The following COL5A1 variants were observed in gnomAD, a reference collection of about 807,000 sequenced individuals.
COL5A1 encodes collagen alpha-1(V) chain.
In COL5A1, 16 loss-of-function variants were observed where a neutral mutation model predicts 263.7. The observed-to-expected ratio is 0.06, with a 90% CI of 0.04 to 0.09. The LOEUF is 0.09. Ranked by LOEUF, COL5A1 falls within the 10% of genes least tolerant of loss-of-function variation. The probability of loss-of-function intolerance (pLI) is 1.00; values close to 1 mark genes in which losing one functional copy is unlikely to be tolerated. For synonymous variants in COL5A1, 1,012 were observed against 1,004.5 expected (o/e 1.01, Z -0.14); for missense variants, 2,036 against 2,540.5 (o/e 0.80, Z 4.27).
chr9:134,798,363 T>C, intron 36 of COL5A1, 45 bp from the exon 37 acceptor site: 1 of 1,595,420 alleles, frequency 6.3e-7, no homozygotes, highest in African/African-American at 1.3e-5. Flanking sequence ...AGGTGGTTGC[T>C]TCTCAGACAC....
rs767294965 is a variant in COL5A1 at position 134,732,064 on chromosome 9, C to G, written c.1333-7C>G. The G allele has an allele frequency of 2.5e-6, 4 of 1,613,798 alleles. No individual in the cohort carries two copies. The highest frequency in any genetic ancestry group is 2.2e-5 in the South Asian group (2 of 91,074). On this transcript the variant is annotated splice_polypyrimidine_tract_variant and splice_region_variant and intron_variant, in intron 8 of 65. Transcript: ENST00000371817. Reference sequence around the variant, plus strand: ...TTCTCTTTCCATCTGCCTTTTATCACCCCCAGATTGGAGGACCTCGGGGCG... The same window carrying G: ...TTCTCTTTCCATCTGCCTTTTATCAGCCCCAGATTGGAGGACCTCGGGGCG...
chr9:134,837,451 T>G (rs1392442088), intron 65 of COL5A1, among the ~76,000 whole-genome samples: 1 of 151,988 alleles, frequency 6.6e-6, no homozygotes, highest in African/African-American at 2.4e-5. Context: ...TTCTGCTGCT[T>G]TTAAGACCTT....
chr9:134,649,160 G>A (rs1322848439), intron 1 of COL5A1, among the ~76,000 whole-genome samples: 1 of 152,168 alleles, frequency 6.6e-6, no homozygotes, highest in Non-Finnish European at 1.5e-5. Context: ...GGCCACTGGA[G>A]AGAAGACCGT....
Position 134,779,134 on chromosome 9 carries a change from C to A in COL5A1, c.2386-968C>A, listed in dbSNP as rs79032640. ...CTGTGGCCCCGGCTTCAGCCTCAGC[C>A]TGGAATCCCGGTGCCGGGGGCAGTG... On this transcript the variant is annotated intron_variant, in intron 27 of 65. Coordinates refer to ENST00000371817, the MANE Select transcript of COL5A1 (RefSeq NM_000093.5). Among the ~76,000 whole-genome samples, 873 of 152,372 alleles carry A rather than the reference C, an allele frequency of 5.7e-3. 17 individuals carry two copies. The highest frequency in any genetic ancestry group is 0.044 in the Admixed American group (680 of 15,312).
intron 18 of COL5A1, among the ~76,000 whole-genome samples, chr9:134,760,493 C>T (rs1012984062): frequency 8.2e-6 from 1 of 121,280 alleles, no homozygotes; most frequent in Non-Finnish European, 1.7e-5. Context: ...GCACACACAC[C>T]ACACATGCAC....
intron 31 of COL5A1, among the ~76,000 whole-genome samples, chr9:134,786,258 G>A (rs534452363): frequency 2.0e-5 from 3 of 152,326 alleles, no homozygotes; most frequent in East Asian, 1.9e-4. Flanking sequence ...TAGGTGTCCC[G>A]GGACAGGTGG....
At position 134,754,011 on chromosome 9, in the gene COL5A1, C is replaced by G. The variant is rs757739285; in HGVS notation, c.1773+108C>G. 1 of 1,070,770 alleles carries G rather than the reference C, an allele frequency of 9.3e-7. No homozygotes were observed. The highest frequency in any genetic ancestry group is 2.4e-5 in the East Asian group (1 of 41,856). The allele number at this position is 1,070,770 out of a possible 1,614,324, so 66.3% of individuals were successfully genotyped here. A position where few individuals can be genotyped will look rare whatever the true frequency, so the allele number is the denominator to read the frequency against. On this transcript the variant is annotated intron_variant, in intron 15 of 65. Coordinates refer to ENST00000371817, the MANE Select transcript of COL5A1 (RefSeq NM_000093.5). This position sits in a 1 kb window ranked among gnomAD's most constrained non-coding sequence, Gnocchi z 4.3. The stretch of plus-strand genomic sequence containing the variant: ...ACTGCTGCATGTTTTCAAGGAAATT[C>G]GTGGGAATTGTCCTTGCTTTACGCA...
intron 14 of COL5A1, 79 bp from the exon 15 acceptor site, chr9:134,753,771 T>TCCCCCC: frequency 2.7e-6 from 1 of 369,204 alleles, no homozygotes; most frequent in South Asian, 2.2e-5. Context: ...CCCCTGCCCC[T>TCCCCCC]CCCCTGCCAC....
In COL5A1 at chr9:134,754,641, G is replaced by A. The variant is rs1005817421; in HGVS notation, c.1827+315G>A. 4.6e-5 allele frequency among the ~76,000 whole-genome samples: 7 copies of A among 152,318 alleles called. No homozygotes were observed. Among genetic ancestry groups the A allele is most frequent in the African/African-American group, 1.2e-4 (5 of 41,584 alleles). On this transcript the variant is annotated intron_variant, in intron 16 of 65. Transcript: ENST00000371817. The surrounding 1 kb of genome is among the most constrained non-coding windows in gnomAD (Gnocchi z 4.3). ...ATGTTAAGAAGACAAAACTATCAGC[G>A]GGCCTTATATATTTCGGGCAGCACT...
chr9:134,736,348 C>T lies in COL5A1; in HGVS notation c.1390-2126C>T, dbSNP rs1236622736. Reference sequence around the variant, plus strand: ...GGCGAGGGCCTTCTTGCTGTGTCCTCACATAGCGGAAGGCATCGCATGGTG... The same window carrying T: ...GGCGAGGGCCTTCTTGCTGTGTCCTTACATAGCGGAAGGCATCGCATGGTG... On this transcript the variant is annotated intron_variant, in intron 9 of 65. Coordinates refer to ENST00000371817, the MANE Select transcript of COL5A1 (RefSeq NM_000093.5). 3.9e-5 allele frequency among the ~76,000 whole-genome samples: 6 copies of T among 152,238 alleles called. No homozygotes were observed. In the East Asian group the frequency reaches 1.2e-3, roughly 29 times the overall value.
intron 4 of COL5A1, among the ~76,000 whole-genome samples, chr9:134,705,527 A>G (rs1588454612): frequency 6.6e-6 from 1 of 152,192 alleles, no homozygotes; most frequent in Non-Finnish European, 1.5e-5. Flanking sequence ...AGGTCCCCCC[A>G]GCCTTGGACT....
rs543586070 is a variant in COL5A1 at position 134,752,773 on chromosome 9, G to A, written c.1719+128G>A. 3 of 720,900 alleles carry A rather than the reference G, an allele frequency of 4.2e-6. No individual in the cohort carries two copies. In the African/African-American group the frequency reaches 5.2e-5, roughly 13 times the overall value. The allele number at this position is 720,900 out of a possible 1,614,324, so 44.7% of individuals were successfully genotyped here. On this transcript the variant is annotated intron_variant, in intron 14 of 65. Transcript: ENST00000371817. Reference sequence around the variant, plus strand: ...CAGAGCGGCCCTTGGTCCAGTGCCTGTTCCCAGGAGGGTGGCCAGGGGGAC... The same window carrying A: ...CAGAGCGGCCCTTGGTCCAGTGCCTATTCCCAGGAGGGTGGCCAGGGGGAC...
intron 42 of COL5A1, chr9:134,808,905 C>G: frequency 1.9e-6 from 1 of 526,728 alleles, no homozygotes; most frequent in South Asian, 2.0e-5. Flanking sequence ...GTCTCTACTG[C>G]TCACTAACTG....
intron 1 of COL5A1, among the ~76,000 whole-genome samples, chr9:134,679,469 A>G (rs1188808115): frequency 1.3e-4 from 1 of 7,592 alleles, no homozygotes; most frequent in African/African-American, 7.3e-4. Context: ...GGGGCTTCTT[A>G]GGGGGCACTG....
rs1410998117 is a variant in COL5A1, at chr9:134,654,996, A to G, written c.109+12700A>G. On this transcript the variant is annotated intron_variant, in intron 1 of 65. Transcript: ENST00000371817. ...GGTGTGTGTAGGGCTGGAGGTGTGT[A>G]GGGCTGGGGGTGTGTAGAGCTGGTG... Among the ~76,000 whole-genome samples the G allele has an allele frequency of 7.9e-5, 4 of 50,868 alleles. No individual in the cohort carries two copies. In the Admixed American group the frequency reaches 1.1e-3, roughly 14 times the overall value. 33.4% of individuals were successfully genotyped at this position (50,868 alleles called of 152,430 possible).
At chr9:134,823,791 CTG>C (rs1394983620) in intron 61 of COL5A1, among the ~76,000 whole-genome samples, 4 of 152,056 alleles carry the variant, frequency 2.6e-5, no homozygotes, top group South Asian at 2.1e-4. Context: ...GTGTGCATGT[CTG>C]TATGTGTACG....
In COL5A1 at chr9:134,812,617, C is replaced by A; in HGVS notation, c.3757C>A (p.Pro1253Thr). 1.2e-6 allele frequency: 2 copies of A among 1,603,214 alleles called. No homozygotes were observed. The highest frequency in any genetic ancestry group is 1.7e-6 in the Non-Finnish European group (2 of 1,174,252). ...TCCCTTTTCCTAGGGCCCCCCGGGT[C>A]CCCCTGGCCCCCGAGGACCCTCCGG... ...GDVGQMGPPG[P>T]PGPRGPSGAP... is the part of the protein sequence containing the mutation. The change falls in exon 48 of 66, where the codon CCC becomes ACC. Residue 1253 changes from proline to threonine, a missense_variant. Around this residue, in one of 3 missense-constraint regions of COL5A1, gnomAD observed 1,078 missense variants for 1,521.4 expected, o/e 0.71. Transcript: ENST00000371817.
At chr9:134,750,266 C>T (rs574681353) in intron 11 of COL5A1, among the ~76,000 whole-genome samples, 2 of 152,188 alleles carry the variant, frequency 1.3e-5, no homozygotes, top group Non-Finnish European at 2.9e-5. Context: ...CCCCAGAGGA[C>T]GCCTGCTGGG....
intron 63 of COL5A1, among the ~76,000 whole-genome samples, chr9:134,829,114 G>C (rs11103539): frequency 0.27 from 41,263 of 151,152 alleles, 5,678 homozygotes; most frequent in Admixed American, 0.32. Flanking sequence ...CCATTCCCTT[G>C]GTCCATCATT....
Sources: gnomAD v4.1 joint callset for allele counts (sites outside exome capture counted in the v4.1 genomes callset) on GRCh38, gnomAD v4.1.1 for gene constraint, gnomAD v4.1.1 regional missense constraint, Gnocchi (gnomAD v3.1) non-coding constraint, MANE v1.5 for transcripts, NCBI Gene and HGNC (gene_info 2026-07-23, HGNC 2026-07-21) for gene names.